Variants in ZXDC observed in about 807,000 individuals in gnomAD.
The protein encoded by ZXDC is zinc finger protein ZXDC.
ZXDC carries 58 observed loss-of-function variants against 63.6 expected under a neutral mutation model. The ratio of observed to expected loss-of-function variants is 0.91; its 90% CI spans 0.74 to 1.13. ZXDC has a LOEUF of 1.13. Among genes scored for constraint, ZXDC ranks in the 50% most tolerant of loss-of-function variants. The pLI is 0.00. For synonymous variants in ZXDC, 561 were observed against 496.1 expected (o/e 1.13, Z -1.74); for missense variants, 1,133 against 1,148.9 (o/e 0.99, Z 0.20).
intron 7 of ZXDC, chr3:126,451,291 G>C (rs1934090654): frequency 1.3e-5 from 13 of 985,320 alleles, no homozygotes; most frequent in Non-Finnish European, 1.3e-5. Flanking sequence ...ACAAAAATTT[G>C]TCTCTCAACA....
intron 5 of ZXDC, among the ~76,000 whole-genome samples, chr3:126,462,770 C>T (rs529580554): frequency 6.6e-6 from 1 of 152,348 alleles, no homozygotes; most frequent in Non-Finnish European, 1.5e-5. Context: ...CACCCCAAAA[C>T]CGACTGGAGC....
Position 126,472,395 on chromosome 3 carries a change from C to T in ZXDC, c.908-90G>A, listed in dbSNP as rs1935014535. 3 of 1,468,352 alleles carry T rather than the reference C, an allele frequency of 2.0e-6. No individual in the cohort carries two copies. In the South Asian group the frequency reaches 3.9e-5, roughly 19 times the overall value. The allele number at this position is 1,468,352 out of a possible 1,614,324, so 91.0% of individuals were successfully genotyped here. ...AGTCACACCCACCAGACCCTGTTCA[C>T]ACTGAAGCAGACAAGGGAAAACATG... is the stretch of plus-strand genomic sequence containing the variant. On this transcript the variant is annotated intron_variant, in intron 1 of 9. Coordinates refer to ENST00000389709, the MANE Select transcript of ZXDC (RefSeq NM_025112.5).
rs181146992 is a variant in ZXDC at position 126,448,250 on chromosome 3, G to C, written c.2213-6304C>G. Among the ~76,000 whole-genome samples the C allele has an allele frequency of 3.9e-5, 6 of 152,298 alleles. No homozygotes were observed. In the South Asian group the frequency reaches 6.2e-4, roughly 16 times the overall value. Reference sequence around the variant, plus strand: ...TTATTAGCTTTTATTTGAGGTCTGCGCAAGTTTCATCACCCATTCAACAAG... The same window carrying C: ...TTATTAGCTTTTATTTGAGGTCTGCCCAAGTTTCATCACCCATTCAACAAG... On this transcript the variant is annotated intron_variant, in intron 7 of 9. Coordinates refer to ENST00000389709, the MANE Select transcript of ZXDC (RefSeq NM_025112.5).
intron 1 of ZXDC, among the ~76,000 whole-genome samples, chr3:126,472,625 A>C (rs201023143): frequency 6.6e-6 from 1 of 152,300 alleles, no homozygotes; most frequent in East Asian, 1.9e-4. Flanking sequence ...ACACACACTG[A>C]GACCCAAGAA....
intron 7 of ZXDC, among the ~76,000 whole-genome samples, chr3:126,446,801 T>C (rs1203959655): frequency 1.3e-5 from 2 of 152,250 alleles, no homozygotes; most frequent in East Asian, 3.8e-4. Context: ...AAAAAGCAGA[T>C]AAAAATGTTT....
intron 5 of ZXDC, 152 bp from the exon 6 acceptor site, chr3:126,462,372 A>G (rs769798856): frequency 2.6e-5 from 35 of 1,359,876 alleles, no homozygotes; most frequent in Non-Finnish European, 3.4e-5. Flanking sequence ...ACAGAGTCCC[A>G]TGGCCGGTCG....
Position 126,457,791 on chromosome 3 carries a change from T to C in ZXDC, c.2212+1862A>G, listed in dbSNP as rs113030116. 11 of 449,418 alleles carry C rather than the reference T, an allele frequency of 2.4e-5. 1 individual carries two copies. Among genetic ancestry groups the C allele is most frequent in the African/African-American group, 1.9e-4 (9 of 46,966 alleles). 27.8% of individuals were successfully genotyped at this position (449,418 alleles called of 1,614,324 possible). A position where few individuals can be genotyped will look rare whatever the true frequency, so the allele number is the denominator to read the frequency against. On this transcript the variant is annotated intron_variant, in intron 7 of 9. Coordinates refer to ENST00000389709, the MANE Select transcript of ZXDC (RefSeq NM_025112.5). ...GAGTGGATCCAGTATCTGGTCACAATGGTTGCCACCAGAGGCTGGGGGTCT... is the reference window on the plus strand; with the variant it reads ...GAGTGGATCCAGTATCTGGTCACAACGGTTGCCACCAGAGGCTGGGGGTCT...
chr3:126,446,047 A>T (rs949618568), intron 7 of ZXDC, among the ~76,000 whole-genome samples: 3 of 152,238 alleles, frequency 2.0e-5, no homozygotes, highest in African/African-American at 7.2e-5. Context: ...CAATATGATC[A>T]ATTTAATTAA....
In ZXDC at chr3:126,462,080, C is replaced by T. The variant is rs759706421; in HGVS notation, c.1582G>A (p.Gly528Arg). The stretch of plus-strand genomic sequence containing the variant: ...CCGGAGTTCAGAGCCTCATCCGACC[C>T]ACCTGCAGAACCACTAGCATTGGCA... The part of the protein sequence containing the change: ...TPANASGSAG[G>R]SDEALNSGIL... Residue 528 changes from glycine (G) to arginine (R), a missense_variant, in exon 6 of 10, where the codon GGG becomes AGG. Transcript: ENST00000389709. 1.2e-6 allele frequency: 2 copies of T among 1,614,134 alleles called. No homozygotes were observed. The highest frequency in any genetic ancestry group is 1.7e-6 in the Non-Finnish European group (2 of 1,180,022).
chr3:126,475,716 C>A lies in ZXDC; in HGVS notation c.150G>T (p.Gly50=). Residue 50 remains glycine, a synonymous_variant, in exon 1 of 10, where the codon GGG becomes GGT. Transcript: ENST00000389709. ...LLLVRGPEDG[G]PGARPGEASG... Reference sequence around the variant, plus strand: ...AGGCCTCCCCGGGCCGCGCCCCGGGCCCGCCATCTTCAGGGCCCCGCACCA... The same window carrying A: ...AGGCCTCCCCGGGCCGCGCCCCGGGACCGCCATCTTCAGGGCCCCGCACCA... The A allele has an allele frequency of 1.6e-6, 2 of 1,274,306 alleles. No individual in the cohort carries two copies. Among genetic ancestry groups the A allele is most frequent in the Non-Finnish European group, 2.0e-6 (2 of 1,011,602 alleles). The allele number at this position is 1,274,306 out of a possible 1,614,324, so 78.9% of individuals were successfully genotyped here.
chr3:126,447,179 G>GT (rs1933914897), intron 7 of ZXDC, among the ~76,000 whole-genome samples: 1 of 152,322 alleles, frequency 6.6e-6, no homozygotes, highest in South Asian at 2.1e-4. Context: ...GTAGACAGGT[G>GT]TTTAAGTTAC....
In ZXDC at chr3:126,475,542, G is replaced by C. The variant is rs767014376; in HGVS notation, c.324C>G (p.Pro108=). Residue 108 remains proline (P), a synonymous_variant, in exon 1 of 10, where the codon CCC becomes CCG. Transcript: ENST00000389709. The part of the protein sequence containing the change: ...PGSRVNLASR[P]EQGPSGPAAP... ...CGGCCGGGCCGCTGGGGCCCTGCTC[G>C]GGGCGGCTCGCCAGGTTGACACGGG... 56 of 1,348,942 alleles carry C rather than the reference G, an allele frequency of 4.2e-5. No individual in the cohort carries two copies. Among genetic ancestry groups the C allele is most frequent in the African/African-American group, 1.5e-4 (10 of 65,766 alleles). The allele number at this position is 1,348,942 out of a possible 1,614,324, so 83.6% of individuals were successfully genotyped here.
chr3:126,463,129 C>T (rs1407484504), intron 5 of ZXDC, among the ~76,000 whole-genome samples: 2 of 151,778 alleles, frequency 1.3e-5, no homozygotes, highest in African/African-American at 4.8e-5. Context: ...AGTGCAGTGG[C>T]GCGATCTCGG....
Position 126,462,093 on chromosome 3 carries a change from A to G in ZXDC, c.1569T>C (p.Ser523=), listed in dbSNP as rs1485132448. The change falls in exon 6 of 10, where the codon AGT becomes AGC. Residue 523 remains serine, a synonymous_variant. Transcript: ENST00000389709. ...CCTCATCCGACCCACCTGCAGAACC[A>G]CTAGCATTGGCAGGTGTGTCAGAGA... ...ALFSDTPANA[S]GSAGGSDEAL... is the part of the protein sequence containing the mutation. The G allele has an allele frequency of 3.7e-6, 6 of 1,614,096 alleles. No individual in the cohort carries two copies. The African/African-American group carries it at 6.7e-5, about 18-fold the overall frequency.
chr3:126,456,207 G>A (rs1934302071), intron 7 of ZXDC, among the ~76,000 whole-genome samples: 1 of 152,242 alleles, frequency 6.6e-6, no homozygotes, highest in Non-Finnish European at 1.5e-5. Context: ...CACTTGCAGT[G>A]CAAGGCAAAG....
chr3:126,456,567 G>T (rs58538708), intron 7 of ZXDC, among the ~76,000 whole-genome samples: 5 of 152,140 alleles, frequency 3.3e-5, no homozygotes, highest in Non-Finnish European at 7.4e-5. Context: ...CGTCACACTA[G>T]GAACTCTCAT....
chr3:126,438,875 C>T (rs934500144), intron 9 of ZXDC, among the ~76,000 whole-genome samples: 9 of 152,204 alleles, frequency 5.9e-5, no homozygotes, highest in African/African-American at 1.9e-4. Flanking sequence ...CTGTCTCCTC[C>T]TGCTACAAGA....
intron 7 of ZXDC, among the ~76,000 whole-genome samples, chr3:126,455,353 G>A (rs978732007): frequency 6.6e-6 from 1 of 152,084 alleles, no homozygotes; most frequent in Non-Finnish European, 1.5e-5. Flanking sequence ...GCACAGCGTG[G>A]GTTAACATAC....
At chr3:126,466,055 T>G (rs972808224) in intron 5 of ZXDC, 100 bp downstream of exon 5, 1 of 1,414,494 alleles carries the variant, frequency 7.1e-7, no homozygotes, top group Non-Finnish European at 9.6e-7. Context: ...CCCCACTGCC[T>G]GACGCCTTCC....
Sources: allele counts gnomAD v4.1 joint callset (sites outside exome capture counted in the v4.1 genomes callset), GRCh38; gene constraint gnomAD v4.1.1; transcripts MANE v1.5; gene names NCBI Gene and HGNC (gene_info 2026-07-23, HGNC 2026-07-21).